The following GOLGA5 variants were observed in gnomAD, a reference collection of about 807,000 sequenced individuals.
GOLGA5 encodes golgin subfamily A member 5.
A neutral mutation model predicts 93.5 loss-of-function variants in GOLGA5; 50 were observed. That is an observed-to-expected ratio of 0.53 (90% CI 0.43 to 0.68). GOLGA5 has a LOEUF of 0.68. Ranked by LOEUF, GOLGA5 falls within the 30% of genes least tolerant of loss-of-function variation. The pLI is 0.00. For synonymous variants in GOLGA5, 312 were observed against 304.5 expected, an observed-to-expected ratio of 1.02 and a Z score of -0.26; for missense variants, 760 against 856.4, an observed-to-expected ratio of 0.89 and a Z score of 1.40.
chr14:92,819,860 T>TG, intron 8 of GOLGA5, 24 bp downstream of exon 8: 1 of 1,609,736 alleles, frequency 6.2e-7, no homozygotes, highest in Non-Finnish European at 8.5e-7. Flanking sequence ...ATTGATGACT[T>TG]CTGAGACTCT....
chr14:92,827,040 C>T (rs1426655809), intron 9 of GOLGA5, among the ~76,000 whole-genome samples: 1 of 151,918 alleles, frequency 6.6e-6, no homozygotes, highest in Non-Finnish European at 1.5e-5. Flanking sequence ...ATAATATTTA[C>T]TTTCTCTCTC....
intron 12 of GOLGA5, 92 bp downstream of exon 12, chr14:92,837,541 T>C: frequency 4.3e-6 from 3 of 698,296 alleles, no homozygotes; most frequent in East Asian, 2.6e-5. Flanking sequence ...ACAGATCTTA[T>C]TGATATTTTA....
intron 9 of GOLGA5, among the ~76,000 whole-genome samples, chr14:92,827,191 C>T (rs2140331672): frequency 6.6e-6 from 1 of 152,306 alleles, no homozygotes; most frequent in South Asian, 2.1e-4. Context: ...TGTTTTATTG[C>T]ATTTCTCTTT....
Position 92,833,044 on chromosome 14 carries a change from T to C in GOLGA5, c.1720-78T>C, listed in dbSNP as rs1003506248. On this transcript the variant is annotated intron_variant, in intron 9 of 12. Coordinates refer to ENST00000163416, the MANE Select transcript of GOLGA5 (RefSeq NM_005113.4). Reference sequence around the variant, plus strand: ...ATCAATGAATGCCACAATTTACCTATGAAAATGTAGTAGTGTGATTTCTGT... The same window carrying C: ...ATCAATGAATGCCACAATTTACCTACGAAAATGTAGTAGTGTGATTTCTGT... The C allele has an allele frequency of 6.2e-5, 50 of 806,630 alleles. No homozygotes were observed. The African/African-American group carries it at 7.1e-4, about 11-fold the overall frequency. The allele number at this position is 806,630 out of a possible 1,614,324, so 50.0% of individuals were successfully genotyped here.
chr14:92,807,021 T>A, intron 3 of GOLGA5, 58 bp downstream of exon 3: 1 of 1,173,410 alleles, frequency 8.5e-7, no homozygotes, highest in Non-Finnish European at 1.3e-6. Flanking sequence ...AACTTAAGGC[T>A]GGACGCAGTG....
At chr14:92,832,931 G>T (rs1885560309) in intron 9 of GOLGA5, among the ~76,000 whole-genome samples, 191 bp from the exon 10 acceptor site, 1 of 152,080 alleles carries the variant, frequency 6.6e-6, no homozygotes, top group Non-Finnish European at 1.5e-5. Context: ...TTTCTAAAAT[G>T]CTGATTTTGA....
chr14:92,835,593 T>C lies in GOLGA5; in HGVS notation c.1980T>C (p.Asn660=). ...TRLRNVPVLF[N]DTETNLAGMY... is the part of the protein sequence containing the mutation. ...TGCGAAATGTTCCTGTTCTTTTTAA[T>C]GACACAGAAACTAATCTGGCAGGAA... Residue 660 remains asparagine, a synonymous_variant, in exon 11 of 13, where the codon AAT becomes AAC. Coordinates refer to ENST00000163416, the MANE Select transcript of GOLGA5 (RefSeq NM_005113.4). The C allele has an allele frequency of 6.2e-7, 1 of 1,613,460 alleles. No homozygotes were observed. Among genetic ancestry groups the C allele is most frequent in the Non-Finnish European group, 8.5e-7 (1 of 1,179,442 alleles).
chr14:92,833,324 T>A lies in GOLGA5; in HGVS notation c.1922T>A (p.Met641Lys). 6.2e-7 allele frequency: 1 copy of A among 1,605,294 alleles called. No homozygotes were observed. Among genetic ancestry groups the A allele is most frequent in the Non-Finnish European group, 8.5e-7 (1 of 1,171,946 alleles). ...GSSSNGSSIN[M>K]SGIDNGEGTR... ...AGTAGTAATGGGTCTTCGATTAATA[T>A]GTCTGGAATTGACAATGGTGAAGGT... The change falls in exon 10 of 13, where the codon ATG becomes AAG. Residue 641 changes from methionine (M) to lysine (K), a missense_variant. Coordinates refer to ENST00000163416, the MANE Select transcript of GOLGA5 (RefSeq NM_005113.4).
intron 9 of GOLGA5, 95 bp downstream of exon 9, chr14:92,824,739 C>G (rs2273644): frequency 0.089 from 58,785 of 658,806 alleles, 3,662 homozygotes; most frequent in South Asian, 0.2. Context: ...CGTGTTTTCA[C>G]CTGAGTTCTT....
At chr14:92,816,537 G>A (rs1157056661) in intron 7 of GOLGA5, 116 bp downstream of exon 7, 5 of 726,490 alleles carry the variant, frequency 6.9e-6, no homozygotes, top group Non-Finnish European at 1.1e-5. Flanking sequence ...TCTTCGCTTC[G>A]CTTCGCTTCT....
chr14:92,807,021 TG>T, intron 3 of GOLGA5, 58 bp downstream of exon 3: 1 of 1,173,410 alleles, frequency 8.5e-7, no homozygotes, highest in Non-Finnish European at 1.3e-6. Flanking sequence ...AACTTAAGGC[TG>T]GACGCAGTGG....
intron 9 of GOLGA5, among the ~76,000 whole-genome samples, chr14:92,829,357 A>G (rs567339293): frequency 1.2e-4 from 19 of 152,188 alleles, no homozygotes; most frequent in Non-Finnish European, 2.4e-4. Flanking sequence ...AACCTTCTGG[A>G]AAAGATTCAC....
At chr14:92,801,920 T>C (rs889677041) in intron 2 of GOLGA5, among the ~76,000 whole-genome samples, 4 of 152,168 alleles carry the variant, frequency 2.6e-5, no homozygotes, top group Non-Finnish European at 4.4e-5. Flanking sequence ...CCACCCTGTT[T>C]TAATTAATGT....
chr14:92,813,334 C>G (rs191126318), intron 6 of GOLGA5, among the ~76,000 whole-genome samples: 45 of 152,256 alleles, frequency 3.0e-4, no homozygotes, highest in Non-Finnish European at 5.4e-4. Flanking sequence ...TGGAAAGAAA[C>G]AGATAATTGA....
chr14:92,834,389 T>G (rs1030061899), intron 10 of GOLGA5, among the ~76,000 whole-genome samples: 1 of 151,396 alleles, frequency 6.6e-6, no homozygotes, highest in Admixed American at 6.6e-5. Flanking sequence ...CAGAGTGTGA[T>G]GTTCCCCTTC....
Position 92,835,672 on chromosome 14 carries a change from A to G in GOLGA5, c.2051+8A>G, listed in dbSNP as rs376269481. Reference sequence around the variant, plus strand: ...TTCAATTGATCAGTTTAGGTAAGCAATGCCAGTAGGGATGAGTGATGGACC... The same window carrying G: ...TTCAATTGATCAGTTTAGGTAAGCAGTGCCAGTAGGGATGAGTGATGGACC... On this transcript the variant is annotated splice_region_variant and intron_variant, in intron 11 of 12. Coordinates refer to ENST00000163416, the MANE Select transcript of GOLGA5 (RefSeq NM_005113.4). 120 of 1,539,070 alleles carry G rather than the reference A, an allele frequency of 7.8e-5. No homozygotes were observed. The Admixed American group carries it at 1.5e-3, about 19-fold the overall frequency.
chr14:92,830,037 G>A (rs1332297752), intron 9 of GOLGA5, among the ~76,000 whole-genome samples: 1 of 152,082 alleles, frequency 6.6e-6, no homozygotes, highest in African/African-American at 2.4e-5. Context: ...AGCAAGCTTG[G>A]GCCGGGCATG....
chr14:92,814,320 CA>C (rs1187077976), intron 6 of GOLGA5, among the ~76,000 whole-genome samples: 1 of 152,032 alleles, frequency 6.6e-6, no homozygotes, highest in Non-Finnish European at 1.5e-5. Flanking sequence ...AGACTGATGC[CA>C]TCCAATGAAG....
intron 3 of GOLGA5, 33 bp from the exon 4 acceptor site, chr14:92,809,267 T>C: frequency 7.0e-7 from 1 of 1,422,780 alleles, no homozygotes; most frequent in Non-Finnish European, 9.9e-7. Context: ...TGTTTGGTTT[T>C]GCTTGTATAG....
Sources: allele counts gnomAD v4.1 joint callset (sites outside exome capture counted in the v4.1 genomes callset), GRCh38; gene constraint gnomAD v4.1.1; transcripts MANE v1.5; gene names NCBI Gene and HGNC (gene_info 2026-07-23, HGNC 2026-07-21).